Variants in NOX4 observed in about 807,000 individuals in gnomAD.
The protein encoded by NOX4 is NADPH oxidase 4.
NOX4 carries 69 observed loss-of-function variants against 87.6 expected under a neutral mutation model. The observed-to-expected ratio is 0.79, with a 90% CI of 0.65 to 0.96. NOX4 has a LOEUF of 0.96. NOX4 is among the 40% of genes least tolerant of loss of function. NOX4 has a pLI of 0.00. For synonymous variants in NOX4, 275 were observed against 238.2 expected, an observed-to-expected ratio of 1.15 and a Z score of -1.42; for missense variants, 680 against 681.5, an observed-to-expected ratio of 1.00 and a Z score of 0.02.
chr11:89,434,277 T>A (rs889793169), intron 6 of NOX4, among the ~76,000 whole-genome samples: 1 of 152,056 alleles, frequency 6.6e-6, no homozygotes, highest in Admixed American at 6.6e-5. Context: ...AAGCACCACA[T>A]GAAAAATAAG....
At chr11:89,330,100 C>T (rs947706382) in intron 17 of NOX4, among the ~76,000 whole-genome samples, 33 of 151,936 alleles carry the variant, frequency 2.2e-4, no homozygotes, top group African/African-American at 5.6e-4. Context: ...AATAGCAAAA[C>T]GGATGGAAGA....
At chr11:89,426,061 G>A (rs1005147205) in intron 7 of NOX4, among the ~76,000 whole-genome samples, 1 of 152,090 alleles carries the variant, frequency 6.6e-6, no homozygotes, top group Non-Finnish European at 1.5e-5. Flanking sequence ...AAGTGCTCCT[G>A]ATAATGTGTA....
intron 13 of NOX4, among the ~76,000 whole-genome samples, chr11:89,348,422 CA>C (rs76284877): frequency 1.4e-5 from 2 of 146,612 alleles, no homozygotes; most frequent in East Asian, 2.0e-4. Context: ...CTCAAAAAAA[CA>C]AAAAAAAACC....
chr11:89,588,571 A>G, the NOX4 span, among the ~76,000 whole-genome samples: 1 of 152,164 alleles, frequency 6.6e-6, no homozygotes, highest in Non-Finnish European at 1.5e-5. Flanking sequence ...AAGACAGGTC[A>G]ATGTGGGGTG....
At chr11:89,510,826 T>C in the NOX4 span, among the ~76,000 whole-genome samples, 2 of 152,018 alleles carry the variant, frequency 1.3e-5, no homozygotes, top group African/African-American at 4.8e-5. Context: ...ATTTATAAAA[T>C]TACATTCTAG....
intron 17 of NOX4, among the ~76,000 whole-genome samples, chr11:89,333,573 T>C (rs989421954): frequency 6.6e-6 from 1 of 151,940 alleles, no homozygotes; most frequent in Non-Finnish European, 1.5e-5. Context: ...ACTGGTTTAA[T>C]AAGTAATCAC....
At chr11:89,493,986 C>T (rs1320392091), upstream of NOX4, among the ~76,000 whole-genome samples, 1 of 152,002 alleles carries the variant, frequency 6.6e-6, no homozygotes, top group Non-Finnish European at 1.5e-5. Flanking sequence ...AACTCCTGAC[C>T]TCAGGTGATC....
In NOX4 at chr11:89,459,593, A is replaced by C. The variant is rs562078936; in HGVS notation, c.154-7698T>G. ...AAGAGAATAAAATACCTAGGAATCC[A>C]ACTTACAAGGGATGTGAAGGACCTC... On this transcript the variant is annotated intron_variant, in intron 2 of 17. Transcript: ENST00000263317. 4.6e-5 allele frequency among the ~76,000 whole-genome samples: 7 copies of C among 152,254 alleles called. No homozygotes were observed. The South Asian group carries it at 8.3e-4, about 18-fold the overall frequency.
At chr11:89,386,107 CT>C (rs1940682565) in intron 11 of NOX4, among the ~76,000 whole-genome samples, 1 of 152,116 alleles carries the variant, frequency 6.6e-6, no homozygotes, top group Non-Finnish European at 1.5e-5. Context: ...ATGGACAATA[CT>C]TTTACCACTT....
chr11:89,521,745 A>C, the NOX4 span, among the ~76,000 whole-genome samples: 1 of 152,110 alleles, frequency 6.6e-6, no homozygotes, highest in African/African-American at 2.4e-5. Flanking sequence ...TAAACAGACA[A>C]CCTACAGAAT....
At chr11:89,459,506 T>C (rs1375781956) in intron 2 of NOX4, among the ~76,000 whole-genome samples, 1 of 152,182 alleles carries the variant, frequency 6.6e-6, no homozygotes, top group Non-Finnish European at 1.5e-5. Context: ...AGCATTCTTA[T>C]ACACCAATAA....
At chr11:89,454,423 A>G (rs1591298014) in intron 2 of NOX4, among the ~76,000 whole-genome samples, 1 of 152,088 alleles carries the variant, frequency 6.6e-6, no homozygotes, top group East Asian at 1.9e-4. Context: ...AGAAATCCTG[A>G]ATTCAATGAC....
At chr11:89,332,371 A>G (rs1049188433) in intron 17 of NOX4, among the ~76,000 whole-genome samples, 3 of 151,904 alleles carry the variant, frequency 2.0e-5, no homozygotes, top group African/African-American at 7.2e-5. Context: ...AGCCAAACAA[A>G]GTTCAAATTT....
chr11:89,497,468 T>G (rs550414165), intron 1 of NOX4, among the ~76,000 whole-genome samples: 1 of 152,300 alleles, frequency 6.6e-6, no homozygotes. Flanking sequence ...GAATCCACAT[T>G]AAATAATATG....
At chr11:89,353,293 C>T (rs1363283634) in intron 13 of NOX4, among the ~76,000 whole-genome samples, 1 of 152,034 alleles carries the variant, frequency 6.6e-6, no homozygotes, top group African/African-American at 2.4e-5. Context: ...AAGGAAGAGC[C>T]AACTGATGCA....
upstream of NOX4, chr11:89,492,234 T>C (rs1158631099): frequency 6.6e-6 from 1 of 152,170 alleles, no homozygotes; most frequent in East Asian, 1.9e-4. Flanking sequence ...AACAAATCAG[T>C]ATTAGAAAAG....
intron 12 of NOX4, among the ~76,000 whole-genome samples, 155 bp downstream of exon 12, chr11:89,373,277 C>CAAAAAAAA (rs144113376): frequency 3.4e-3 from 198 of 58,958 alleles, no homozygotes; most frequent in African/African-American, 9.3e-3. Context: ...ACTGTACAAG[C>CAAAAAAAA]AAAAAAAAAA....
intron 2 of NOX4, among the ~76,000 whole-genome samples, chr11:89,488,723 C>T (rs1441495985): frequency 6.6e-6 from 1 of 152,016 alleles, no homozygotes; most frequent in Non-Finnish European, 1.5e-5. Flanking sequence ...GAGTTTTCTC[C>T]AAGTTGTTCA....
At chr11:89,389,433 T>A (rs547360546) in intron 11 of NOX4, among the ~76,000 whole-genome samples, 1 of 152,174 alleles carries the variant, frequency 6.6e-6, no homozygotes. Context: ...AAACTCAAAC[T>A]ACTGAATTTG....
Sources: allele counts gnomAD v4.1 joint callset (sites outside exome capture counted in the v4.1 genomes callset), GRCh38; gene constraint gnomAD v4.1.1; transcripts MANE v1.5; gene names NCBI Gene and HGNC (gene_info 2026-07-23, HGNC 2026-07-21).